Variants in MACROD2 observed in about 807,000 individuals in gnomAD.
The protein encoded by MACROD2 is mono-ADP ribosylhydrolase 2.
MACROD2 carries 36 observed loss-of-function variants against 70.4 expected under a neutral mutation model. The observed-to-expected ratio is 0.51, with a 90% CI of 0.39 to 0.68. The LOEUF (loss-of-function observed/expected upper bound fraction) is 0.68. Among genes scored for constraint, MACROD2 ranks in the 30% least tolerant of loss-of-function variants. The pLI is 0.00. For missense variants in MACROD2, 496 were observed against 538.4 expected (o/e 0.92, Z 0.78); for synonymous variants, 172 against 178.8 (o/e 0.96, Z 0.30).
intron 3 of MACROD2, among the ~76,000 whole-genome samples, chr20:14,107,705 C>A (rs1020509005): frequency 6.6e-6 from 1 of 152,140 alleles, no homozygotes; most frequent in African/African-American, 2.4e-5. Context: ...CAGTGGAAAC[C>A]CTGCATGCCA....
At chr20:15,803,857 C>G (rs1014213945) in intron 8 of MACROD2, among the ~76,000 whole-genome samples, 7 of 152,148 alleles carry the variant, frequency 4.6e-5, no homozygotes, top group Non-Finnish European at 1.0e-4. Context: ...CAATAAAATT[C>G]TAGTAAAAAG....
chr20:14,428,355 TAGTC>T (rs1170969303), intron 3 of MACROD2, among the ~76,000 whole-genome samples: 2 of 152,136 alleles, frequency 1.3e-5, no homozygotes, highest in Admixed American at 6.5e-5. Context: ...AACTCTCTCA[TAGTC>T]AGGAAGAATC....
At chr20:15,512,752 C>A (rs1279332309) in intron 8 of MACROD2, among the ~76,000 whole-genome samples, 1 of 152,188 alleles carries the variant, frequency 6.6e-6, no homozygotes, top group Non-Finnish European at 1.5e-5. Context: ...CTTCTAGGTC[C>A]CCCCACCGCT....
At chr20:15,305,341 A>G (rs1016548533) in intron 6 of MACROD2, among the ~76,000 whole-genome samples, 1 of 152,000 alleles carries the variant, frequency 6.6e-6, no homozygotes, top group African/African-American at 2.4e-5. Context: ...TTCCAAAATG[A>G]TTCAGATTTT....
intron 5 of MACROD2, among the ~76,000 whole-genome samples, chr20:14,706,399 C>T (rs1206931693): frequency 1.3e-5 from 2 of 151,936 alleles, no homozygotes; most frequent in Non-Finnish European, 1.5e-5. Flanking sequence ...GAGTGTTTTC[C>T]CTGAACATGG....
chr20:15,176,334 G>A (rs1015957354), intron 5 of MACROD2, among the ~76,000 whole-genome samples: 2 of 152,194 alleles, frequency 1.3e-5, no homozygotes, highest in African/African-American at 4.8e-5. Context: ...CAAGCCTGAA[G>A]CCTGTGGGCT....
At chr20:14,791,831 C>G (rs767658083) in intron 5 of MACROD2, among the ~76,000 whole-genome samples, 2 of 151,596 alleles carry the variant, frequency 1.3e-5, no homozygotes, top group Admixed American at 6.6e-5. Context: ...TATATACATG[C>G]ATTTATATTA....
chr20:15,660,422 CACTG>C (rs1326680721), intron 8 of MACROD2, among the ~76,000 whole-genome samples: 1 of 152,050 alleles, frequency 6.6e-6, no homozygotes, highest in East Asian at 1.9e-4. Flanking sequence ...CACTGAAGCT[CACTG>C]ACACCTGGAA....
At chr20:15,475,991 G>T (rs549463408) in intron 7 of MACROD2, among the ~76,000 whole-genome samples, 1 of 152,324 alleles carries the variant, frequency 6.6e-6, no homozygotes, top group South Asian at 2.1e-4. Flanking sequence ...GGCGAACAAA[G>T]AAAGGGAGGA....
intron 5 of MACROD2, among the ~76,000 whole-genome samples, chr20:15,128,271 G>C (rs981432380): frequency 6.6e-6 from 1 of 152,058 alleles, no homozygotes; most frequent in Non-Finnish European, 1.5e-5. Flanking sequence ...GTGGTTTTAA[G>C]TCCTACCATA....
chr20:15,900,110 C>T (rs2065042917), intron 10 of MACROD2, among the ~76,000 whole-genome samples: 1 of 152,050 alleles, frequency 6.6e-6, no homozygotes, highest in Non-Finnish European at 1.5e-5. Context: ...TGCAGCAGTT[C>T]ATGCATTATA....
Position 15,403,961 on chromosome 20 carries a change from G to A in MACROD2, c.541-27444G>A, listed in dbSNP as rs1471523799. ...TGTATAAAGCAATAGAGCAAGAGGA[G>A]TATCAGCAATTTTCATTCATTAAAG... On this transcript the variant is annotated intron_variant, in intron 6 of 17. Coordinates refer to ENST00000684519, the MANE Select transcript of MACROD2 (RefSeq NM_001351661.2). Among the ~76,000 whole-genome samples the A allele has an allele frequency of 2.0e-5, 3 of 152,290 alleles. No individual in the cohort carries two copies. The East Asian group carries it at 5.8e-4, about 29-fold the overall frequency.
intron 5 of MACROD2, among the ~76,000 whole-genome samples, chr20:14,913,671 A>G (rs947616571): frequency 6.6e-6 from 1 of 152,184 alleles, no homozygotes; most frequent in Non-Finnish European, 1.5e-5. Context: ...TGGATGACAG[A>G]GTGAGACCCT....
At chr20:14,255,465 C>T (rs1006232694) in intron 3 of MACROD2, among the ~76,000 whole-genome samples, 53 of 149,128 alleles carry the variant, frequency 3.6e-4, no homozygotes, top group Non-Finnish European at 4.9e-4. Flanking sequence ...TGTTCTCACT[C>T]ATAGGTGGGA....
chr20:15,724,182 A>G (rs1238205154), intron 8 of MACROD2, among the ~76,000 whole-genome samples: 1 of 152,196 alleles, frequency 6.6e-6, no homozygotes, highest in Non-Finnish European at 1.5e-5. Flanking sequence ...GTCCTTTATC[A>G]GATGTGTCTT....
At chr20:15,082,228 G>T (rs555664578) in intron 5 of MACROD2, among the ~76,000 whole-genome samples, 55 of 152,324 alleles carry the variant, frequency 3.6e-4, no homozygotes, top group African/African-American at 1.3e-3. Context: ...ATGGAGAAGA[G>T]GAGAGGACAG....
At chr20:15,033,566 C>G (rs2075291233) in intron 5 of MACROD2, among the ~76,000 whole-genome samples, 1 of 152,208 alleles carries the variant, frequency 6.6e-6, no homozygotes, top group African/African-American at 2.4e-5. Flanking sequence ...GCTCTAAAAT[C>G]TGAACTGAAA....
At chr20:14,651,873 C>T (rs944939857) in intron 4 of MACROD2, among the ~76,000 whole-genome samples, 6 of 152,262 alleles carry the variant, frequency 3.9e-5, no homozygotes, top group Admixed American at 3.3e-4. Flanking sequence ...GGAACTCAGG[C>T]TGAGGCAGTG....
chr20:15,281,869 A>G (rs2077447963), intron 6 of MACROD2, among the ~76,000 whole-genome samples: 1 of 152,208 alleles, frequency 6.6e-6, no homozygotes, highest in South Asian at 2.1e-4. Flanking sequence ...CTGCCCTAAC[A>G]GAGGATCTCC....
Sources: allele counts gnomAD v4.1 joint callset (sites outside exome capture counted in the v4.1 genomes callset), GRCh38; gene constraint gnomAD v4.1.1; transcripts MANE v1.5; gene names NCBI Gene and HGNC (gene_info 2026-07-23, HGNC 2026-07-21).